Variants in SKIL observed in about 807,000 individuals in gnomAD.
SKIL encodes the protein ski-like protein.
In SKIL, 20 loss-of-function variants were observed where a neutral mutation model predicts 69.6. The ratio of observed to expected loss-of-function variants is 0.29; its 90% CI spans 0.20 to 0.42. The LOEUF (loss-of-function observed/expected upper bound fraction) is 0.42, where lower values mean the gene tolerates loss of function less well. Ranked by LOEUF, SKIL falls within the 10% of genes least tolerant of loss-of-function variation. The pLI is 1.00. For missense variants in SKIL, 745 were observed against 783.1 expected (o/e 0.95, Z 0.58); for synonymous variants, 310 against 279.9 (o/e 1.11, Z -1.08).
chr3:170,383,591 A>C (rs1346959839), intron 3 of SKIL, among the ~76,000 whole-genome samples: 1 of 152,166 alleles, frequency 6.6e-6, no homozygotes, highest in Non-Finnish European at 1.5e-5. Context: ...AATCTCTTTT[A>C]TCTTAGTTTT....
intron 1 of SKIL, among the ~76,000 whole-genome samples, chr3:170,358,269 G>A (rs1463731011): frequency 6.6e-6 from 1 of 152,046 alleles, no homozygotes; most frequent in African/African-American, 2.4e-5. Context: ...AACTTCCCAG[G>A]GAGAGGGTGC....
intron 4 of SKIL, among the ~76,000 whole-genome samples, chr3:170,386,623 G>T (rs991694594): frequency 6.6e-6 from 1 of 151,678 alleles, no homozygotes; most frequent in Non-Finnish European, 1.5e-5. Context: ...ATGTGCCACT[G>T]CGCCTGCCTC....
intron 3 of SKIL, 36 bp downstream of exon 3, chr3:170,381,377 T>C: frequency 1.0e-6 from 1 of 987,398 alleles, no homozygotes; most frequent in South Asian, 1.3e-5. Context: ...TGTTCATTCA[T>C]TTCTTCATTC....
chr3:170,366,922 AAT>A (rs770783565), intron 2 of SKIL, among the ~76,000 whole-genome samples: 22 of 152,234 alleles, frequency 1.4e-4, no homozygotes, highest in Middle Eastern at 3.2e-3. Flanking sequence ...TGTAAACAAA[AAT>A]AGAAAATTAA....
intron 2 of SKIL, among the ~76,000 whole-genome samples, chr3:170,377,475 A>C (rs1737087904): frequency 6.6e-6 from 1 of 150,676 alleles, no homozygotes; most frequent in African/African-American, 2.4e-5. Flanking sequence ...AAATCTTTTA[A>C]AAATATTAAT....
chr3:170,378,126 C>T (rs4582064), intron 2 of SKIL, among the ~76,000 whole-genome samples: 50,351 of 151,908 alleles, frequency 0.33, 9,175 homozygotes, highest in East Asian at 0.55. Flanking sequence ...CTCCTGACCT[C>T]GTGATTTGCC....
chr3:170,373,670 G>A (rs1736890460), intron 2 of SKIL, among the ~76,000 whole-genome samples: 1 of 152,090 alleles, frequency 6.6e-6, no homozygotes, highest in South Asian at 2.1e-4. Flanking sequence ...GCAAGATTTA[G>A]TATTTGAAAA....
intron 2 of SKIL, among the ~76,000 whole-genome samples, chr3:170,380,762 ATGTGGG>A (rs1329185816): frequency 2.6e-5 from 4 of 152,174 alleles, no homozygotes; most frequent in Non-Finnish European, 4.4e-5. Flanking sequence ...GGGATAGTTC[ATGTGGG>A]TGTCTCTGAG....
chr3:170,378,877 A>T (rs927505870), intron 2 of SKIL, among the ~76,000 whole-genome samples: 3 of 141,038 alleles, frequency 2.1e-5, no homozygotes, highest in Admixed American at 7.1e-5. Flanking sequence ...TTATTTATTT[A>T]TTTATTTTTT....
intron 2 of SKIL, among the ~76,000 whole-genome samples, chr3:170,375,552 T>C (rs191590561): frequency 3.9e-5 from 6 of 152,288 alleles, no homozygotes; most frequent in Admixed American, 3.9e-4. Flanking sequence ...AATATATAAA[T>C]CAATTTTAGT....
intron 4 of SKIL, among the ~76,000 whole-genome samples, chr3:170,386,492 GTC>G (rs1737641601): frequency 2.0e-5 from 3 of 152,100 alleles, no homozygotes; most frequent in Non-Finnish European, 4.4e-5. Context: ...TAGAGACAGA[GTC>G]TCACTCTGTT....
Position 170,360,528 on chromosome 3 carries a change from G to C in SKIL, c.197G>C (p.Gly66Ala). The C allele has an allele frequency of 6.2e-7, 1 of 1,614,210 alleles. No homozygotes were observed. Residue 66 changes from glycine (G) to alanine (A), a missense_variant, in exon 2 of 7, where the codon GGA (glycine) becomes GCA (alanine). Physicochemically the swap from Gly to Ala is moderately conservative, Grantham distance 60. Transcript: ENST00000259119. ...DYGEAPVETD[G>A]EHVKRTCTSV... ...GGAGAAGCACCAGTGGAAACTGATG[G>C]AGAGCATGTTAAGCGAACCTGTACT...
intron 5 of SKIL, 86 bp from the exon 6 acceptor site, chr3:170,390,950 A>G (rs1303075953): frequency 8.7e-6 from 6 of 688,814 alleles, no homozygotes; most frequent in Non-Finnish European, 1.5e-5. Context: ...AATTTTAGGT[A>G]TTTTCTGTGC....
chr3:170,366,552 C>A (rs141514387), intron 2 of SKIL, among the ~76,000 whole-genome samples: 6,385 of 151,938 alleles, frequency 0.042, 149 homozygotes, highest in South Asian at 0.14. Flanking sequence ...TGGTGACACA[C>A]GCCTGTAATC....
chr3:170,391,275 T>C lies in SKIL; in HGVS notation c.1896+15T>C, dbSNP rs1421549113. On this transcript the variant is annotated intron_variant, in intron 6 of 6. Coordinates refer to ENST00000259119, the MANE Select transcript of SKIL (RefSeq NM_005414.5). ...ATGCAGGACAGGTAAGAATTACTGT[T>C]TGTATAATGGTGCCCTTTCAGCATG... 1 of 1,401,188 alleles carries C rather than the reference T, an allele frequency of 7.1e-7. No homozygotes were observed. The highest frequency in any genetic ancestry group is 1.0e-6 in the Non-Finnish European group (1 of 997,478). The allele number at this position is 1,401,188 out of a possible 1,614,324, so 86.8% of individuals were successfully genotyped here. A position where few individuals can be genotyped will look rare whatever the true frequency, so the allele number is the denominator to read the frequency against.
rs746125481 is a variant in SKIL at position 170,373,141 on chromosome 3, C to T, written c.1099-8103C>T. 5.3e-5 allele frequency among the ~76,000 whole-genome samples: 8 copies of T among 151,512 alleles called. No homozygotes were observed. The East Asian group carries it at 5.8e-4, about 11-fold the overall frequency. ...CCCCCTCGGTAGCTGGGACTACAGGCGTGCACCACCAGGCCCGGCTAATTT... is the reference window on the plus strand; with the variant it reads ...CCCCCTCGGTAGCTGGGACTACAGGTGTGCACCACCAGGCCCGGCTAATTT... On this transcript the variant is annotated intron_variant, in intron 2 of 6. Coordinates refer to ENST00000259119, the MANE Select transcript of SKIL (RefSeq NM_005414.5).
chr3:170,384,254 G>A (rs1156388275), intron 3 of SKIL, among the ~76,000 whole-genome samples: 2 of 152,078 alleles, frequency 1.3e-5, no homozygotes, highest in East Asian at 3.9e-4. Flanking sequence ...CTTGAACCCA[G>A]GAGTTAGAGG....
At chr3:170,358,406 C>A (rs961241486) in intron 1 of SKIL, 2 of 152,282 alleles carry the variant, frequency 1.3e-5, no homozygotes, top group Admixed American at 6.5e-5. Context: ...TTCCCTCCAC[C>A]CCCTTGCACA....
In SKIL at chr3:170,360,308, A is replaced by T. The variant is rs199870096; in HGVS notation, c.-24A>T. 13 of 1,517,456 alleles carry T rather than the reference A, an allele frequency of 8.6e-6. No individual in the cohort carries two copies. Among genetic ancestry groups the T allele is most frequent in the Non-Finnish European group, 1.8e-6 (2 of 1,136,748 alleles). The allele number at this position is 1,517,456 out of a possible 1,614,324, so 94.0% of individuals were successfully genotyped here. A position where few individuals can be genotyped will look rare whatever the true frequency, so the allele number is the denominator to read the frequency against. The stretch of plus-strand genomic sequence containing the variant: ...AAATAGAAATGCTAATCTCAGACTT[A>T]ATTATTTAACAGAAGAGTGTACCAT... On this transcript the variant is annotated 5_prime_UTR_variant, in exon 2 of 7. Coordinates refer to ENST00000259119, the MANE Select transcript of SKIL (RefSeq NM_005414.5).
Sources: gnomAD v4.1 joint callset for allele counts (sites outside exome capture counted in the v4.1 genomes callset) on GRCh38, gnomAD v4.1.1 for gene constraint, MANE v1.5 for transcripts, NCBI Gene and HGNC (gene_info 2026-07-23, HGNC 2026-07-21) for gene names.